The following BMPR1B variants were observed in gnomAD, a reference collection of about 807,000 sequenced individuals.
BMPR1B encodes bone morphogenetic protein receptor type-1B.
Under a neutral mutation model 59.1 loss-of-function variants are expected in BMPR1B, and 12 were observed. The ratio of observed to expected loss-of-function variants is 0.20; its 90% CI spans 0.13 to 0.33. The LOEUF (loss-of-function observed/expected upper bound fraction) is 0.33, where lower values mean the gene tolerates loss of function less well. Among genes scored for constraint, BMPR1B ranks in the 10% least tolerant of loss-of-function variants. BMPR1B has a pLI of 1.00. For synonymous variants in BMPR1B, 237 were observed against 207.3 expected (o/e 1.14, Z -1.23); for missense variants, 550 against 610.9 (o/e 0.90, Z 1.05).
At chr4:95,049,425 T>G (rs897540259) in intron 3 of BMPR1B, among the ~76,000 whole-genome samples, 5 of 3,018 alleles carry the variant, frequency 1.7e-3, no homozygotes, top group African/African-American at 4.9e-3. Context: ...AAAAGTTTTT[T>G]TTTTTTTTTT....
chr4:94,990,010 T>C (rs1721637223), intron 2 of BMPR1B, among the ~76,000 whole-genome samples: 1 of 152,224 alleles, frequency 6.6e-6, no homozygotes, highest in South Asian at 2.1e-4. Context: ...CTGTTAAACA[T>C]AAAATTAGCA....
intron 1 of BMPR1B, among the ~76,000 whole-genome samples, chr4:94,811,147 A>G (rs1428586255): frequency 1.3e-5 from 2 of 152,230 alleles, no homozygotes; most frequent in Non-Finnish European, 2.9e-5. Context: ...GTGCTCAATT[A>G]ACCGTTAGGA....
intron 2 of BMPR1B, among the ~76,000 whole-genome samples, chr4:94,885,655 C>T (rs1257337605): frequency 6.6e-6 from 1 of 151,872 alleles, no homozygotes; most frequent in Admixed American, 6.6e-5. Flanking sequence ...GACATGACTT[C>T]CATTTCTGGC....
chr4:94,815,080 T>C (rs1723960636), intron 1 of BMPR1B, among the ~76,000 whole-genome samples: 1 of 152,102 alleles, frequency 6.6e-6, no homozygotes, highest in Non-Finnish European at 1.5e-5. Context: ...ATTTTTTGTA[T>C]TTTTAGTAGA....
At chr4:94,857,356 G>A (rs946371077) in intron 1 of BMPR1B, among the ~76,000 whole-genome samples, 2 of 152,140 alleles carry the variant, frequency 1.3e-5, no homozygotes, top group African/African-American at 2.4e-5. Flanking sequence ...AGGCAGTTTT[G>A]TACCATTTTC....
intron 6 of BMPR1B, among the ~76,000 whole-genome samples, chr4:95,118,773 T>C (rs1207620730): frequency 6.6e-6 from 1 of 152,120 alleles, no homozygotes; most frequent in East Asian, 1.9e-4. Context: ...TAATGGCAGA[T>C]TAAAACATGA....
At chr4:95,071,516 T>C (rs913143276) in intron 3 of BMPR1B, among the ~76,000 whole-genome samples, 4 of 151,878 alleles carry the variant, frequency 2.6e-5, no homozygotes, top group Non-Finnish European at 5.9e-5. Context: ...TAAGAAGATG[T>C]TAATGGTTTG....
At chr4:95,136,251 G>C (rs1261294543) in intron 10 of BMPR1B, among the ~76,000 whole-genome samples, 1 of 152,170 alleles carries the variant, frequency 6.6e-6, no homozygotes, top group Admixed American at 6.5e-5. Context: ...GCATCCCAGG[G>C]ATGAAGCCCA....
chr4:94,868,548 G>T (rs977382475), intron 1 of BMPR1B, among the ~76,000 whole-genome samples: 4 of 152,160 alleles, frequency 2.6e-5, no homozygotes, highest in Non-Finnish European at 2.9e-5. Flanking sequence ...AGTGTGGGGA[G>T]ACCAAATGAA....
chr4:95,061,303 T>C (rs1266327732), intron 3 of BMPR1B, among the ~76,000 whole-genome samples: 1 of 152,058 alleles, frequency 6.6e-6, no homozygotes, highest in Non-Finnish European at 1.5e-5. Context: ...ATGCTTGGGA[T>C]TGCCCCATTC....
At chr4:94,920,591 A>C (rs1728652771) in intron 2 of BMPR1B, among the ~76,000 whole-genome samples, 1 of 152,178 alleles carries the variant, frequency 6.6e-6, no homozygotes. Flanking sequence ...ATGTTAAAGG[A>C]CTGTGGGAGT....
chr4:95,041,777 G>A (rs566995528), intron 3 of BMPR1B, among the ~76,000 whole-genome samples: 11 of 152,138 alleles, frequency 7.2e-5, no homozygotes, highest in East Asian at 5.8e-4. Flanking sequence ...ATTTCCTCCC[G>A]CACAGGGTGG....
chr4:95,061,910 G>A (rs1452583234), intron 3 of BMPR1B, among the ~76,000 whole-genome samples: 1 of 152,092 alleles, frequency 6.6e-6, no homozygotes, highest in African/African-American at 2.4e-5. Flanking sequence ...CCCCCTTGCT[G>A]TTCTTGTGAC....
intron 2 of BMPR1B, among the ~76,000 whole-genome samples, chr4:94,970,229 CTGTT>C (rs752402343): frequency 1.1e-4 from 16 of 150,222 alleles, no homozygotes; most frequent in South Asian, 2.1e-4. Context: ...CTTACTTCAG[CTGTT>C]TGTTTTTCTT....
At chr4:94,938,697 C>T (rs1729405314) in intron 2 of BMPR1B, among the ~76,000 whole-genome samples, 1 of 152,114 alleles carries the variant, frequency 6.6e-6, no homozygotes, top group Non-Finnish European at 1.5e-5. Flanking sequence ...ATACCAAATC[C>T]TTTAAAAAGC....
intron 2 of BMPR1B, among the ~76,000 whole-genome samples, chr4:94,964,616 G>A (rs1164307680): frequency 1.3e-5 from 2 of 152,104 alleles, no homozygotes; most frequent in Non-Finnish European, 2.9e-5. Context: ...TATATAAAAT[G>A]GATTAAAGCG....
intron 2 of BMPR1B, among the ~76,000 whole-genome samples, chr4:94,917,869 G>A (rs955451401): frequency 3.3e-5 from 5 of 152,150 alleles, no homozygotes; most frequent in Non-Finnish European, 5.9e-5. Flanking sequence ...AGACCTGGTG[G>A]GAGGAGTTTG....
chr4:95,105,342 T>G (rs995176218), intron 4 of BMPR1B, among the ~76,000 whole-genome samples: 1 of 151,912 alleles, frequency 6.6e-6, no homozygotes, highest in East Asian at 1.9e-4. Flanking sequence ...AGAAGCAGAG[T>G]GTGCCTTAAG....
chr4:95,043,517 T>C (rs1725823718), intron 3 of BMPR1B, among the ~76,000 whole-genome samples: 1 of 152,238 alleles, frequency 6.6e-6, no homozygotes. Flanking sequence ...AATCTTCTTA[T>C]TTTGTGCACA....
Sources: allele counts gnomAD v4.1 joint callset (sites outside exome capture counted in the v4.1 genomes callset), GRCh38; gene constraint gnomAD v4.1.1; transcripts MANE v1.5; gene names NCBI Gene and HGNC (gene_info 2026-07-23, HGNC 2026-07-21).